Variants in TCF20 observed in about 807,000 individuals in gnomAD.
TCF20 encodes transcription factor 20.
TCF20 carries 3 observed loss-of-function variants against 148.6 expected under a neutral mutation model. The ratio of observed to expected loss-of-function variants is 0.02; its 90% CI spans 0.01 to 0.05. TCF20 has a LOEUF of 0.05. Ranked by LOEUF, TCF20 falls within the 10% of genes least tolerant of loss-of-function variation. The pLI, the probability that TCF20 is intolerant of heterozygous loss-of-function variation, is 1.00. For missense variants in TCF20, 2,350 were observed against 2,429.3 expected, an observed-to-expected ratio of 0.97 and a Z score of 0.69; for synonymous variants, 1,049 against 909.5, an observed-to-expected ratio of 1.15 and a Z score of -2.76.
chr22:42,194,619 G>A (rs567024670), intron 2 of TCF20, among the ~76,000 whole-genome samples: 3 of 152,144 alleles, frequency 2.0e-5, no homozygotes, highest in East Asian at 1.9e-4. Context: ...GGGGGTAGCG[G>A]TAGATGGTGT....
At chr22:42,248,901 T>C (rs1215864276) in intron 1 of TCF20, among the ~76,000 whole-genome samples, 7 of 152,224 alleles carry the variant, frequency 4.6e-5, no homozygotes, top group Admixed American at 4.6e-4. Flanking sequence ...TAATTTTAGC[T>C]ATCAACTTGA....
upstream of TCF20, among the ~76,000 whole-genome samples, chr22:42,270,746 G>T (rs1434736024): frequency 7.0e-6 from 1 of 143,620 alleles, no homozygotes; most frequent in African/African-American, 2.5e-5. Flanking sequence ...GGGGCGCGCG[G>T]CGGGGGCGGG....
intron 1 of TCF20, among the ~76,000 whole-genome samples, chr22:42,291,090 C>T (rs1283242091): frequency 2.6e-5 from 4 of 152,272 alleles, no homozygotes; most frequent in South Asian, 2.1e-4. Flanking sequence ...TCACTCCATG[C>T]CCCATCCTTC....
rs1175393381 is a variant in TCF20 at position 42,214,213 on chromosome 22, T to A, written c.1093A>T (p.Ser365Cys). The A allele has an allele frequency of 1.2e-6, 2 of 1,614,244 alleles. No homozygotes were observed. Among genetic ancestry groups the A allele is most frequent in the Non-Finnish European group, 1.7e-6 (2 of 1,180,048 alleles). The change falls in exon 2 of 6, where the codon AGC (serine) becomes TGC (cysteine). Residue 365 changes from serine to cysteine, a missense_variant. Physicochemically the swap from Ser to Cys is moderately radical, Grantham distance 112 (BLOSUM62 -1). Transcript: ENST00000677622. ...RSPMQFHQNF[S>C]PISNPSPAAS... The stretch of plus-strand genomic sequence containing the variant: ...GCTGGAGAAGGGTTAGAAATGGGGC[T>A]GAAGTTCTGGTGAAACTGCATGGGG...
chr22:42,234,360 G>T (rs957147966), intron 1 of TCF20, among the ~76,000 whole-genome samples: 2 of 152,174 alleles, frequency 1.3e-5, no homozygotes, highest in Non-Finnish European at 2.9e-5. Context: ...AAGCAGAACC[G>T]AGTTCTATGG....
At chr22:42,313,868 G>C (rs1427096577) in intron 1 of TCF20, among the ~76,000 whole-genome samples, 1 of 152,192 alleles carries the variant, frequency 6.6e-6, no homozygotes, top group Non-Finnish European at 1.5e-5. Flanking sequence ...CCAAAGTGCT[G>C]AGGTTAGAGG....
intron 5 of TCF20, among the ~76,000 whole-genome samples, chr22:42,165,483 A>G (rs917728352): frequency 6.6e-6 from 1 of 152,208 alleles, no homozygotes; most frequent in Non-Finnish European, 1.5e-5. Context: ...CTGCCAACCA[A>G]TGACACAAGC....
intron 1 of TCF20, among the ~76,000 whole-genome samples, chr22:42,289,847 C>T (rs1006325986): frequency 3.3e-5 from 5 of 152,162 alleles, no homozygotes; most frequent in African/African-American, 1.2e-4. Context: ...AGGATTGCCC[C>T]GCCCCCGAGC....
Position 42,214,055 on chromosome 22 carries a change from T to C in TCF20, c.1251A>G (p.Gln417=). Residue 417 remains glutamine, a synonymous_variant, in exon 2 of 6, where the codon CAA becomes CAG. Transcript: ENST00000677622. ...SRNRILQLMP[Q]LSPTPSMMPS... ...GCATCATTGATGGGGTTGGACTGAG[T>C]TGAGGCATTAACTGTAAAATTCTGT... The C allele has an allele frequency of 6.2e-7, 1 of 1,614,168 alleles. No individual in the cohort carries two copies. Among genetic ancestry groups the C allele is most frequent in the Non-Finnish European group, 8.5e-7 (1 of 1,180,030 alleles).
At chr22:42,230,655 A>T (rs966590098) in intron 1 of TCF20, among the ~76,000 whole-genome samples, 2 of 149,716 alleles carry the variant, frequency 1.3e-5, no homozygotes, top group Admixed American at 1.3e-4. Context: ...AAAAAAAACC[A>T]AAGCAAACAA....
intron 1 of TCF20, among the ~76,000 whole-genome samples, chr22:42,282,888 G>A (rs1569200299): frequency 1.8e-5 from 2 of 111,810 alleles, no homozygotes; most frequent in Middle Eastern, 4.5e-3. Context: ...AAAAAAGGGA[G>A]GGCCAAATAA....
intron 1 of TCF20, among the ~76,000 whole-genome samples, chr22:42,308,442 C>T (rs761618113): frequency 2.0e-5 from 3 of 152,116 alleles, no homozygotes; most frequent in Non-Finnish European, 4.4e-5. Flanking sequence ...ACTTAGTCCT[C>T]CCTATCCTTG....
intron 1 of TCF20, among the ~76,000 whole-genome samples, chr22:42,341,330 G>A (rs1313418940): frequency 6.6e-6 from 1 of 152,160 alleles, no homozygotes; most frequent in African/African-American, 2.4e-5. Flanking sequence ...CTGGCGCTCG[G>A]CCAGAGGGCC....
In TCF20 at chr22:42,328,704, A is replaced by T. The variant is rs530659300; in HGVS notation, c.-37+14775T>A. Among the ~76,000 whole-genome samples, 8 of 152,320 alleles carry T rather than the reference A, an allele frequency of 5.3e-5. No homozygotes were observed. The South Asian group carries it at 1.4e-3, about 28-fold the overall frequency. ...GAGTCAAAGGGATCACACATGTGAA[A>T]TGCTTAATCTAGGTGCTGGCACACG... On this transcript the variant is annotated intron_variant, in intron 1 of 1. Coordinates refer to the TCF20 transcript ENST00000515426.
intron 1 of TCF20, among the ~76,000 whole-genome samples, chr22:42,242,218 A>AAAAAAAAAAAC (rs1555942526): frequency 0.018 from 2,544 of 142,218 alleles, 88 homozygotes; most frequent in South Asian, 0.024. Flanking sequence ...AAAAAAAAAA[A>AAAAAAAAAAAC]AAAAAAAAAC....
intron 1 of TCF20, among the ~76,000 whole-genome samples, chr22:42,239,870 T>G (rs75052422): frequency 3.1e-3 from 467 of 152,336 alleles, no homozygotes; most frequent in African/African-American, 0.011. Context: ...AGACACAAAG[T>G]GAGCACATGC....
At chr22:42,222,498 A>G (rs571231934) in intron 1 of TCF20, among the ~76,000 whole-genome samples, 1 of 151,854 alleles carries the variant, frequency 6.6e-6, no homozygotes, top group South Asian at 2.1e-4. Context: ...ACCCCCCCAT[A>G]GGCCCTGAAG....
chr22:42,219,495 G>T (rs1276660019), intron 1 of TCF20, among the ~76,000 whole-genome samples: 1 of 150,522 alleles, frequency 6.6e-6, no homozygotes. Context: ...TTGTTTAAAT[G>T]AATACAAATA....
chr22:42,235,917 G>A (rs1262943422), intron 1 of TCF20, among the ~76,000 whole-genome samples: 1 of 152,192 alleles, frequency 6.6e-6, no homozygotes, highest in Non-Finnish European at 1.5e-5. Context: ...AAAGACACCA[G>A]ACATGGTGGC....
Sources: allele counts gnomAD v4.1 joint callset (sites outside exome capture counted in the v4.1 genomes callset), GRCh38; gene constraint gnomAD v4.1.1; transcripts MANE v1.5; gene names NCBI Gene and HGNC (gene_info 2026-07-23, HGNC 2026-07-21).